Variants in ZNF536 observed in about 807,000 individuals in gnomAD.
The protein encoded by ZNF536 is zinc finger protein 536.
ZNF536 carries 13 observed loss-of-function variants against 84.5 expected under a neutral mutation model. The observed-to-expected ratio is 0.15, with a 90% confidence interval of 0.10 to 0.24. The LOEUF (loss-of-function observed/expected upper bound fraction) is 0.24, where lower values mean the gene tolerates loss of function less well. Ranked by LOEUF, ZNF536 falls within the 10% of genes least tolerant of loss-of-function variation. The probability of loss-of-function intolerance (pLI) is 1.00; values close to 1 mark genes in which losing one functional copy is unlikely to be tolerated. For missense variants in ZNF536, 1,536 were observed against 1,747.5 expected, an observed-to-expected ratio of 0.88 and a Z score of 2.16; for synonymous variants, 811 against 742.5, an observed-to-expected ratio of 1.09 and a Z score of -1.50.
At chr19:30,459,322 C>T (rs1441939527) in intron 2 of ZNF536, among the ~76,000 whole-genome samples, 5 of 117,828 alleles carry the variant, frequency 4.2e-5, no homozygotes, top group Admixed American at 1.8e-4. Flanking sequence ...CTTTCCTTTT[C>T]TTTCTTTCTT....
chr19:30,712,412 C>G (rs1487252130), exon 2 of ZNF536: 1 of 143,820 alleles, frequency 7.0e-6, no homozygotes, highest in Non-Finnish European at 1.5e-5. Flanking sequence ...TCTTCTAAAA[C>G]AAAATCATTC....
intron 2 of ZNF536, among the ~76,000 whole-genome samples, chr19:30,450,946 C>T (rs2052574653): frequency 6.6e-6 from 1 of 152,220 alleles, no homozygotes; most frequent in South Asian, 2.1e-4. Context: ...GCTGTGAAAG[C>T]CGAGCGCCAT....
chr19:30,333,528 G>A (rs1414103145), intron 2 of ZNF536, among the ~76,000 whole-genome samples: 2 of 152,216 alleles, frequency 1.3e-5, no homozygotes, highest in East Asian at 3.9e-4. Flanking sequence ...CCTGCCTGCG[G>A]CTGTCTTTGT....
chr19:30,628,430 CT>C (rs35554742), intron 1 of ZNF536, among the ~76,000 whole-genome samples: 3,937 of 139,304 alleles, frequency 0.028, 183 homozygotes, highest in African/African-American at 0.099. Context: ...CCAGTAGTCA[CT>C]TTTTTTTTTT....
At chr19:30,472,098 G>A (rs2053661017) in intron 2 of ZNF536, among the ~76,000 whole-genome samples, 1 of 152,216 alleles carries the variant, frequency 6.6e-6, no homozygotes, top group Admixed American at 6.5e-5. Flanking sequence ...CGGAAGCAGA[G>A]TCCTCACGAT....
At chr19:30,581,545 C>A (rs899790795) in intron 1 of ZNF536, among the ~76,000 whole-genome samples, 1 of 152,120 alleles carries the variant, frequency 6.6e-6, no homozygotes, top group Non-Finnish European at 1.5e-5. Context: ...GGACTGGAAA[C>A]AGCTCTTGCA....
intron 2 of ZNF536, among the ~76,000 whole-genome samples, chr19:30,491,568 G>A (rs529407935): frequency 4.6e-5 from 7 of 152,212 alleles, no homozygotes; most frequent in East Asian, 1.9e-4. Context: ...CTCCCCTCCC[G>A]GCAGTCCTAA....
chr19:30,403,608 A>G (rs757912451), intron 1 of ZNF536, among the ~76,000 whole-genome samples: 11 of 152,194 alleles, frequency 7.2e-5, no homozygotes, highest in Non-Finnish European at 1.3e-4. Flanking sequence ...GTGAGCTGCT[A>G]TCCGCTTTAT....
chr19:30,585,750 T>G (rs1210445181), intron 1 of ZNF536, among the ~76,000 whole-genome samples: 1 of 152,138 alleles, frequency 6.6e-6, no homozygotes, highest in Non-Finnish European at 1.5e-5. Flanking sequence ...CCTGATGACC[T>G]TCCCTCCTGC....
chr19:30,622,812 C>T (rs1188950676), intron 1 of ZNF536, among the ~76,000 whole-genome samples: 1 of 152,114 alleles, frequency 6.6e-6, no homozygotes, highest in Non-Finnish European at 1.5e-5. Context: ...GACTCACCAC[C>T]TGCAGGCCAC....
chr19:30,580,160 G>A (rs546124661), intron 1 of ZNF536, among the ~76,000 whole-genome samples: 4 of 152,248 alleles, frequency 2.6e-5, no homozygotes, highest in African/African-American at 7.2e-5. Flanking sequence ...TCTGGTATTG[G>A]CAATGCACCT....
chr19:30,361,105 A>G (rs745844573), intron 3 of ZNF536, among the ~76,000 whole-genome samples: 4 of 152,214 alleles, frequency 2.6e-5, no homozygotes, highest in African/African-American at 4.8e-5. Context: ...CAGCACTTAT[A>G]TAGTCTGTCA....
intron 1 of ZNF536, among the ~76,000 whole-genome samples, chr19:30,600,533 C>T (rs1057456567): frequency 6.6e-6 from 1 of 152,340 alleles, no homozygotes; most frequent in African/African-American, 2.4e-5. Context: ...GGGTTCCAGG[C>T]ACTTCCTCAC....
rs188063640 is a variant in ZNF536, at chr19:30,338,279, G to A, written c.-119-14089G>A. Among the ~76,000 whole-genome samples, 400 of 151,760 alleles carry A rather than the reference G, an allele frequency of 2.6e-3. 1 individual carries two copies. The highest frequency in any genetic ancestry group is 9.3e-3 in the African/African-American group (385 of 41,322). On this transcript the variant is annotated intron_variant, in intron 2 of 5. Coordinates refer to the ZNF536 transcript ENST00000585628. ...GATAAAGATGATTGATGATGATGGT[G>A]ATGACAATGATAATATGATGATGAC... is the stretch of plus-strand genomic sequence containing the variant.
At chr19:30,447,619 AG>A (rs1472931701) in intron 2 of ZNF536, among the ~76,000 whole-genome samples, 2 of 152,178 alleles carry the variant, frequency 1.3e-5, no homozygotes, top group Non-Finnish European at 2.9e-5. Flanking sequence ...CTAAGATTCG[AG>A]GGAAGGGTTT....
intron 1 of ZNF536, among the ~76,000 whole-genome samples, chr19:30,615,039 C>T (rs1030250497): frequency 5.2e-5 from 7 of 134,538 alleles, no homozygotes; most frequent in Admixed American, 7.8e-5. Context: ...CTCCGCCTCC[C>T]GGGTTCACGC....
At position 30,417,399 on chromosome 19, in the gene ZNF536, G is replaced by A. The variant is rs1028828232; in HGVS notation, c.-2-26162G>A. On this transcript the variant is annotated intron_variant, in intron 1 of 4. Transcript: ENST00000355537. ...GTGCCATTAGGGAATTATTCTATGT[G>A]AAAAAAACATCTTTTATGCCATTTC... 4.0e-4 allele frequency among the ~76,000 whole-genome samples: 60 copies of A among 151,890 alleles called. 1 individual carries two copies. The highest frequency in any genetic ancestry group is 1.4e-3 in the African/African-American group (57 of 41,460).
At chr19:30,310,180 G>A (rs759116600) in intron 2 of ZNF536, among the ~76,000 whole-genome samples, 1 of 152,202 alleles carries the variant, frequency 6.6e-6, no homozygotes, top group Non-Finnish European at 1.5e-5. Context: ...CAAAGACTGT[G>A]TCAAATGAAG....
At chr19:30,533,208 G>T (rs1205856300) in intron 2 of ZNF536, among the ~76,000 whole-genome samples, 1 of 152,176 alleles carries the variant, frequency 6.6e-6, no homozygotes, top group African/African-American at 2.4e-5. Flanking sequence ...GTTGCTTAGA[G>T]CGAATACTCA....
Sources: allele counts gnomAD v4.1 joint callset (sites outside exome capture counted in the v4.1 genomes callset), GRCh38; gene constraint gnomAD v4.1.1; transcripts MANE v1.5; gene names NCBI Gene and HGNC (gene_info 2026-07-23, HGNC 2026-07-21).